Variants in TXNRD1 observed in about 807,000 individuals in gnomAD.
TXNRD1 encodes thioredoxin reductase 1.
A neutral mutation model predicts 80.3 loss-of-function variants in TXNRD1; 57 were observed. The ratio of observed to expected loss-of-function variants is 0.71; its 90% CI spans 0.57 to 0.89. The LOEUF (loss-of-function observed/expected upper bound fraction) is 0.89, where lower values mean the gene tolerates loss of function less well. TXNRD1 is among the 40% of genes least tolerant of loss of function. The pLI is 0.00. For synonymous variants in TXNRD1, 291 were observed against 285.2 expected (o/e 1.02, Z -0.20); for missense variants, 730 against 803.0 (o/e 0.91, Z 1.10).
chr12:104,297,286 C>T, intron 4 of TXNRD1, among the ~76,000 whole-genome samples: 1 of 117,738 alleles, frequency 8.5e-6, no homozygotes, highest in South Asian at 2.6e-4. Flanking sequence ...GCCTGGGCAA[C>T]AAGAGTGAAA....
chr12:104,301,356 G>A (rs1565886879), intron 4 of TXNRD1, among the ~76,000 whole-genome samples: 1 of 151,052 alleles, frequency 6.6e-6, no homozygotes, highest in African/African-American at 2.4e-5. Context: ...TTTTTTTTTT[G>A]AGATGGAGTC....
chr12:104,218,033 A>AT (rs894052334), intron 1 of TXNRD1, among the ~76,000 whole-genome samples: 62 of 148,056 alleles, frequency 4.2e-4, no homozygotes, highest in Middle Eastern at 6.9e-3. Flanking sequence ...CACACACCAC[A>AT]TTTTTTTTTT....
chr12:104,267,320 C>T (rs1447228492), intron 3 of TXNRD1, among the ~76,000 whole-genome samples: 1 of 73,410 alleles, frequency 1.4e-5, no homozygotes, highest in Non-Finnish European at 2.5e-5. Context: ...CTCTATTGCC[C>T]AGGCTATAGT....
At chr12:104,284,791 A>G (rs546733016) in intron 3 of TXNRD1, among the ~76,000 whole-genome samples, 1 of 152,292 alleles carries the variant, frequency 6.6e-6, no homozygotes, top group Admixed American at 6.5e-5. Context: ...GCTTTGAAGG[A>G]CTAGGCCCTT....
At chr12:104,287,300 C>A in intron 3 of TXNRD1, 1 of 1,613,942 alleles carries the variant, frequency 6.2e-7, no homozygotes, top group Non-Finnish European at 8.5e-7. Context: ...AGCTTCGTGG[C>A]GTGTGCGGTT....
chr12:104,298,131 A>G lies in TXNRD1; in HGVS notation c.414+9091A>G, dbSNP rs1001185427. Among the ~76,000 whole-genome samples, 6 of 152,244 alleles carry G rather than the reference A, an allele frequency of 3.9e-5. 1 individual carries two copies. The South Asian group carries it at 1.2e-3, about 31-fold the overall frequency. ...CCAATAATAATGCCATCTTATTTGAATAAAGCAGTTATTCAAAGCCTCTTT... is the reference window on the plus strand; with the variant it reads ...CCAATAATAATGCCATCTTATTTGAGTAAAGCAGTTATTCAAAGCCTCTTT... On this transcript the variant is annotated intron_variant, in intron 4 of 16. Transcript: ENST00000525566.
chr12:104,241,566 C>A (rs1431318579), intron 1 of TXNRD1, among the ~76,000 whole-genome samples: 1 of 152,158 alleles, frequency 6.6e-6, no homozygotes, highest in African/African-American at 2.4e-5. Flanking sequence ...GACGGACTCT[C>A]CACTTTGGTC....
chr12:104,250,202 C>A (rs1003989908), intron 1 of TXNRD1, among the ~76,000 whole-genome samples: 1 of 151,966 alleles, frequency 6.6e-6, no homozygotes, highest in South Asian at 2.1e-4. Flanking sequence ...AGCAGGTTAT[C>A]CACATGCAAA....
chr12:104,287,157 T>TG, intron 3 of TXNRD1: 1 of 1,557,008 alleles, frequency 6.4e-7, no homozygotes, highest in Non-Finnish European at 8.6e-7. Flanking sequence ...AGCCCAGGGA[T>TG]GGGAGCACGC....
chr12:104,250,527 G>A (rs1348848465), intron 1 of TXNRD1, among the ~76,000 whole-genome samples: 4 of 152,150 alleles, frequency 2.6e-5, no homozygotes, highest in African/African-American at 9.7e-5. Flanking sequence ...ATTGTAAGCT[G>A]TGCAACCCTG....
At chr12:104,339,495 G>T in intron 16 of TXNRD1, 1 of 711,576 alleles carries the variant, frequency 1.4e-6, no homozygotes, top group South Asian at 1.4e-5. Context: ...TTATGAGAGT[G>T]ATTTATAGAG....
chr12:104,303,003 A>G (rs2034701692), intron 4 of TXNRD1, among the ~76,000 whole-genome samples: 1 of 152,178 alleles, frequency 6.6e-6, no homozygotes, highest in Admixed American at 6.5e-5. Flanking sequence ...GTTCAGAGTT[A>G]CTACCCATTC....
At chr12:104,265,827 C>T in intron 3 of TXNRD1, 5 of 1,465,940 alleles carry the variant, frequency 3.4e-6, no homozygotes, top group Admixed American at 3.6e-5. Flanking sequence ...AGAGGCCCAA[C>T]ACCTTCTTCT....
In TXNRD1 at chr12:104,268,921, T is replaced by C. The variant is rs1464441895; in HGVS notation, c.304+10842T>C. ...ATAAATCCGTTGTTGTCATTTCTTT[T>C]TTTTTTTTTTTTTTGAGATAGAGTC... On this transcript the variant is annotated intron_variant, in intron 3 of 16. Transcript: ENST00000525566. 2.0e-5 allele frequency among the ~76,000 whole-genome samples: 3 copies of C among 150,176 alleles called. No individual in the cohort carries two copies. The East Asian group carries it at 5.8e-4, about 29-fold the overall frequency.
intron 1 of TXNRD1, among the ~76,000 whole-genome samples, chr12:104,248,750 A>G (rs935804036): frequency 6.6e-6 from 1 of 152,236 alleles, no homozygotes; most frequent in Non-Finnish European, 1.5e-5. Context: ...TTGGTCTGGT[A>G]TACTCTGCAA....
intron 3 of TXNRD1, 126 bp from the exon 4 acceptor site, chr12:104,288,805 A>G: frequency 2.5e-6 from 4 of 1,593,380 alleles, no homozygotes; most frequent in Non-Finnish European, 3.4e-6. Context: ...CTAACTTGCA[A>G]GGGAGTCAAC....
At chr12:104,346,117 A>G (rs2036482745) in intron 16 of TXNRD1, 1 of 640,822 alleles carries the variant, frequency 1.6e-6, no homozygotes, top group Non-Finnish European at 2.5e-6. Flanking sequence ...AGCTCAAGCG[A>G]TGTTCCTGCC....
In TXNRD1 at chr12:104,311,329, A is replaced by G. The variant is rs921358598; in HGVS notation, c.454A>G (p.Asn152Asp). Residue 152 changes from asparagine to aspartate, a missense_variant, in exon 5 of 17, where the codon AAC (asparagine) becomes GAC (aspartate). Asn to Asp is a conservative substitution (Grantham distance 23). Transcript: ENST00000525566. ...CAGACTTCAAAAGCTACTAAAAATGAACGGCCCTGAAGATCTTCCCAAGTC... is the reference window on the plus strand; with the variant it reads ...CAGACTTCAAAAGCTACTAAAAATGGACGGCCCTGAAGATCTTCCCAAGTC... ...EGRLQKLLKM[N>D]GPEDLPKSYD... The G allele has an allele frequency of 1.2e-6, 2 of 1,610,798 alleles. No homozygotes were observed. Among genetic ancestry groups the G allele is most frequent in the Admixed American group, 1.7e-5 (1 of 59,388 alleles).
intron 1 of TXNRD1, among the ~76,000 whole-genome samples, chr12:104,239,975 G>A (rs1448857220): frequency 6.6e-6 from 1 of 152,112 alleles, no homozygotes; most frequent in Non-Finnish European, 1.5e-5. Flanking sequence ...TATATTGCTG[G>A]ATTCAATTTG....
Sources: allele counts gnomAD v4.1 joint callset (sites outside exome capture counted in the v4.1 genomes callset), GRCh38; gene constraint gnomAD v4.1.1; transcripts MANE v1.5; gene names NCBI Gene and HGNC (gene_info 2026-07-23, HGNC 2026-07-21).